Variants in ZNF385B observed in about 807,000 individuals in gnomAD.
ZNF385B encodes the protein zinc finger protein 533.
A neutral mutation model predicts 39.2 loss-of-function variants in ZNF385B; 23 were observed. The observed-to-expected ratio is 0.59, with a 90% CI of 0.42 to 0.83. The LOEUF is 0.83. ZNF385B is among the 40% of genes least tolerant of loss of function. The pLI is 0.00. For synonymous variants in ZNF385B, 205 were observed against 222.6 expected, an observed-to-expected ratio of 0.92 and a Z score of 0.70; for missense variants, 552 against 598.9, an observed-to-expected ratio of 0.92 and a Z score of 0.82.
chr2:179,537,766 CA>C (rs151220146), intron 4 of ZNF385B, among the ~76,000 whole-genome samples: 3,942 of 130,396 alleles, frequency 0.03, 123 homozygotes, highest in African/African-American at 0.077. Context: ...AACAAACAAA[CA>C]AAAAAAAAAA....
At chr2:179,607,531 A>G (rs1490902522) in intron 3 of ZNF385B, among the ~76,000 whole-genome samples, 1 of 152,108 alleles carries the variant, frequency 6.6e-6, no homozygotes, top group Non-Finnish European at 1.5e-5. Context: ...TCTTTTCTTT[A>G]TAAATTACCC....
rs556842070 is a variant in ZNF385B, at chr2:179,734,715, G to A, written c.298+34788C>T. On this transcript the variant is annotated intron_variant, in intron 3 of 9. Coordinates refer to ENST00000410066, the MANE Select transcript of ZNF385B (RefSeq NM_152520.6). ...CCTCAAAGTACTCATATACTAACAG[G>A]TGAGAAAGATATTGTAAAATAAATA... 2.6e-5 allele frequency among the ~76,000 whole-genome samples: 4 copies of A among 152,194 alleles called. No individual in the cohort carries two copies. The South Asian group carries it at 8.3e-4, about 32-fold the overall frequency.
intron 3 of ZNF385B, among the ~76,000 whole-genome samples, chr2:179,685,943 T>C (rs1357712630): frequency 6.6e-6 from 1 of 152,216 alleles, no homozygotes; most frequent in Non-Finnish European, 1.5e-5. Context: ...AAAGATGATA[T>C]GGAAGGCTCT....
At chr2:179,533,575 T>G (rs947696586) in intron 4 of ZNF385B, among the ~76,000 whole-genome samples, 4 of 152,054 alleles carry the variant, frequency 2.6e-5, no homozygotes, top group African/African-American at 9.7e-5. Context: ...CCTTTTCATG[T>G]GATTGGCAAT....
At chr2:179,680,825 A>G (rs1413461076) in intron 3 of ZNF385B, among the ~76,000 whole-genome samples, 4 of 152,030 alleles carry the variant, frequency 2.6e-5, no homozygotes, top group Non-Finnish European at 4.4e-5. Context: ...AACAGTTCAC[A>G]AATTATCAGT....
At position 179,790,228 on chromosome 2, in the gene ZNF385B, C is replaced by T. The variant is rs747904027; in HGVS notation, c.-154-19556G>A. ...GAAATATTTGCTTTGGAAGATTTCT[C>T]CTCTTTTGCCTTTTCATATATTTAT... On this transcript the variant is annotated intron_variant, in intron 1 of 9. Transcript: ENST00000410066. 2.6e-5 allele frequency among the ~76,000 whole-genome samples: 4 copies of T among 152,156 alleles called. No homozygotes were observed. The East Asian group carries it at 7.7e-4, about 29-fold the overall frequency.
chr2:179,753,959 C>T (rs190328653), intron 3 of ZNF385B, among the ~76,000 whole-genome samples: 7,416 of 152,222 alleles, frequency 0.049, 258 homozygotes, highest in Middle Eastern at 0.099. Context: ...GCCAGAACTT[C>T]CAACACTGTG....
chr2:179,861,007 G>A (rs890211021), intron 1 of ZNF385B, 94 bp downstream of exon 1: 20 of 167,852 alleles, frequency 1.2e-4, no homozygotes, highest in Admixed American at 4.6e-4. Flanking sequence ...GCGCGCCCAG[G>A]TGCAGGCTCG....
chr2:179,818,043 T>C (rs1216250974), intron 1 of ZNF385B, among the ~76,000 whole-genome samples: 1 of 151,938 alleles, frequency 6.6e-6, no homozygotes, highest in East Asian at 1.9e-4. Context: ...AGACTGAATG[T>C]GTGTGAATGT....
intron 5 of ZNF385B, among the ~76,000 whole-genome samples, chr2:179,505,702 G>C (rs537461439): frequency 6.6e-6 from 1 of 152,052 alleles, no homozygotes; most frequent in Non-Finnish European, 1.5e-5. Flanking sequence ...AATGTAACAC[G>C]TATTTAAAGC....
In ZNF385B at chr2:179,631,049, G is replaced by A. The variant is rs199777996; in HGVS notation, c.299-86080C>T. The stretch of plus-strand genomic sequence containing the variant: ...AAGACCAAATCTACGTTTGATTGGT[G>A]TACCTAAAAGTGACAGGGAGAATGG... On this transcript the variant is annotated intron_variant, in intron 3 of 9. Transcript: ENST00000410066. 4.6e-5 allele frequency among the ~76,000 whole-genome samples: 7 copies of A among 152,322 alleles called. No homozygotes were observed. The East Asian group carries it at 1.4e-3, about 29-fold the overall frequency.
intron 3 of ZNF385B, among the ~76,000 whole-genome samples, chr2:179,561,912 T>C (rs2061359842): frequency 1.3e-5 from 2 of 152,034 alleles, no homozygotes; most frequent in Admixed American, 6.6e-5. Flanking sequence ...GTGACAAGAG[T>C]GCAAATCTCC....
intron 3 of ZNF385B, among the ~76,000 whole-genome samples, chr2:179,752,012 T>C (rs910125823): frequency 2.0e-5 from 3 of 152,200 alleles, no homozygotes; most frequent in African/African-American, 7.2e-5. Flanking sequence ...TGTATACATG[T>C]GCCATGTTCG....
intron 3 of ZNF385B, among the ~76,000 whole-genome samples, chr2:179,624,880 C>G (rs1175930737): frequency 1.3e-5 from 2 of 152,172 alleles, no homozygotes; most frequent in African/African-American, 4.8e-5. Flanking sequence ...GGAATGTAAT[C>G]TTATACTCTC....
intron 6 of ZNF385B, among the ~76,000 whole-genome samples, chr2:179,447,557 C>T (rs1382422111): frequency 6.6e-6 from 1 of 152,114 alleles, no homozygotes; most frequent in Admixed American, 6.6e-5. Context: ...CATTGAAGTT[C>T]ATTTGCTATT....
chr2:179,782,383 A>C (rs1704721771), intron 1 of ZNF385B, among the ~76,000 whole-genome samples: 1 of 152,176 alleles, frequency 6.6e-6, no homozygotes, highest in South Asian at 2.1e-4. Context: ...CATTTTACTG[A>C]ATGGGCAAAA....
At chr2:179,809,303 G>A (rs1360511871) in intron 1 of ZNF385B, among the ~76,000 whole-genome samples, 1 of 152,110 alleles carries the variant, frequency 6.6e-6, no homozygotes, top group Admixed American at 6.5e-5. Context: ...CTCGTAAAGA[G>A]TTTCAGTAAA....
rs148308693 is a variant in ZNF385B at position 179,681,019 on chromosome 2, A to G, written c.298+88484T>C. Among the ~76,000 whole-genome samples, 187 of 152,038 alleles carry G rather than the reference A, an allele frequency of 1.2e-3. 2 individuals carry two copies. The highest frequency in any genetic ancestry group is 0.01 in the Admixed American group (158 of 15,276). On this transcript the variant is annotated intron_variant, in intron 3 of 9. Coordinates refer to ENST00000410066, the MANE Select transcript of ZNF385B (RefSeq NM_152520.6). Reference sequence around the variant, plus strand: ...TCTTGATCCCTGGATCCTTTCTATTATACATGCAGCTGTTTAAAATAATGT... The same window carrying G: ...TCTTGATCCCTGGATCCTTTCTATTGTACATGCAGCTGTTTAAAATAATGT...
intron 1 of ZNF385B, among the ~76,000 whole-genome samples, chr2:179,856,704 G>T (rs1684633465): frequency 1.3e-5 from 2 of 150,584 alleles, no homozygotes; most frequent in Middle Eastern, 3.5e-3. Flanking sequence ...ATAGGGAAAT[G>T]AGAAGGAATA....
Sources: gnomAD v4.1 joint callset for allele counts (sites outside exome capture counted in the v4.1 genomes callset) on GRCh38, gnomAD v4.1.1 for gene constraint, MANE v1.5 for transcripts, NCBI Gene and HGNC (gene_info 2026-07-23, HGNC 2026-07-21) for gene names.